The following UGGT1 variants were observed in gnomAD, a reference collection of about 807,000 sequenced individuals.
The protein encoded by UGGT1 is UDP-glucose glycoprotein glucosyltransferase 1, also known as UDP-glucose:glycoprotein glucosyltransferase 1.
In UGGT1, 107 loss-of-function variants were observed where a neutral mutation model predicts 203.9. The ratio of observed to expected loss-of-function variants is 0.52; its 90% CI spans 0.45 to 0.62. The LOEUF is 0.62. UGGT1 is among the 20% of genes least tolerant of loss of function. The pLI is 0.00. For missense variants in UGGT1, 1,673 were observed against 1,867.2 expected (o/e 0.90, Z 1.92); for synonymous variants, 628 against 653.5 (o/e 0.96, Z 0.59).
intron 26 of UGGT1, among the ~76,000 whole-genome samples, chr2:128,165,755 T>C (rs987961770): frequency 1.3e-5 from 2 of 152,048 alleles, no homozygotes; most frequent in African/African-American, 2.4e-5. Context: ...ATTCATCTTT[T>C]ATTGAAAACT....
chr2:128,093,094 A>G (rs189025483), intron 1 of UGGT1, among the ~76,000 whole-genome samples: 2 of 152,300 alleles, frequency 1.3e-5, no homozygotes, highest in Admixed American at 1.3e-4. Flanking sequence ...TTACCTGTAG[A>G]GTTAAGAATG....
chr2:128,138,012 G>A (rs1369337894), intron 15 of UGGT1, among the ~76,000 whole-genome samples: 2 of 151,744 alleles, frequency 1.3e-5, no homozygotes, highest in African/African-American at 4.8e-5. Context: ...TTCTCATACT[G>A]CATGTGCTAA....
At chr2:128,136,686 A>G (rs2105438009) in intron 15 of UGGT1, among the ~76,000 whole-genome samples, 1 of 152,324 alleles carries the variant, frequency 6.6e-6, no homozygotes, top group Non-Finnish European at 1.5e-5. Flanking sequence ...GGGTGCAGGT[A>G]TTTGTGTGGA....
In UGGT1 at chr2:128,153,013, T is replaced by C. The variant is rs1309117742; in HGVS notation, c.2137+109T>C. On this transcript the variant is annotated intron_variant, in intron 19 of 40. Transcript: ENST00000259253. ...ATTATCTTCTGCAGTGTTCAGAAGA[T>C]AGCCCAAGATTGTGACAAAATTTTA... The C allele has an allele frequency of 7.4e-6, 11 of 1,494,090 alleles. No individual in the cohort carries two copies. The East Asian group carries it at 2.6e-4, about 36-fold the overall frequency. 92.6% of individuals were successfully genotyped at this position (1,494,090 alleles called of 1,614,324 possible).
At chr2:128,125,855 T>C (rs1688573005) in intron 11 of UGGT1, among the ~76,000 whole-genome samples, 1 of 151,958 alleles carries the variant, frequency 6.6e-6, no homozygotes, top group South Asian at 2.1e-4. Context: ...TTTTCCCCAC[T>C]AAGGAAGACA....
chr2:128,107,939 T>C lies in UGGT1; in HGVS notation c.279T>C (p.Gly93=). The C allele has an allele frequency of 6.2e-7, 1 of 1,614,160 alleles. No homozygotes were observed. The highest frequency in any genetic ancestry group is 1.1e-5 in the South Asian group (1 of 91,082). The part of the protein sequence containing the change: ...SQNIGSSDHD[G]TDYSYYHAIL... ...TTGGTTAATGTTCTTCCTTGACAGG[T>C]ACCGATTATTCCTACTATCATGCAA... The change falls in exon 4 of 41, where the codon GGT becomes GGC. Residue 93 remains glycine (G), a splice_region_variant and synonymous_variant. Transcript: ENST00000259253.
At chr2:128,093,109 G>C (rs139115626) in intron 1 of UGGT1, among the ~76,000 whole-genome samples, 4 of 152,296 alleles carry the variant, frequency 2.6e-5, no homozygotes, top group African/African-American at 9.6e-5. Context: ...AGAATGTGGG[G>C]TCAGAGTGGC....
intron 9 of UGGT1, among the ~76,000 whole-genome samples, chr2:128,120,711 G>A (rs1017182241): frequency 2.0e-5 from 3 of 152,104 alleles, no homozygotes; most frequent in East Asian, 3.8e-4. Context: ...CTTGTAATAC[G>A]AGAAGCAGGT....
Position 128,091,378 on chromosome 2 carries a change from G to A in UGGT1, c.21G>A (p.Ala7=). 7.0e-6 allele frequency: 11 copies of A among 1,574,534 alleles called. No individual in the cohort carries two copies. The highest frequency in any genetic ancestry group is 9.5e-6 in the Non-Finnish European group (11 of 1,160,202). ...CGGGCATGGGCTGCAAGGGAGACGC[G>A]AGCGGTGCGTGTGCCGCGGGTGCGC... MGCKGD[A]SGACAAGALP... is the part of the protein sequence containing the mutation. The change falls in exon 1 of 41, where the codon GCG becomes GCA. Residue 7 remains alanine, a synonymous_variant. Coordinates refer to ENST00000259253, the MANE Select transcript of UGGT1 (RefSeq NM_020120.4).
intron 18 of UGGT1, among the ~76,000 whole-genome samples, chr2:128,149,641 C>T (rs1221734340): frequency 4.6e-5 from 7 of 151,598 alleles, no homozygotes; most frequent in Non-Finnish European, 7.4e-5. Context: ...GACATGGTGG[C>T]GGGCGCCTGT....
In UGGT1 at chr2:128,098,985, G is replaced by A. The variant is rs1163505983; in HGVS notation, c.194+1421G>A. On this transcript the variant is annotated intron_variant, in intron 2 of 40. Transcript: ENST00000259253. The stretch of plus-strand genomic sequence containing the variant: ...TTGATTGTATCTCAAGTGATGTAGA[G>A]GTGGAACTAGCAGAGACTTTCCAAA... Among the ~76,000 whole-genome samples the A allele has an allele frequency of 3.3e-5, 5 of 152,122 alleles. 1 individual carries two copies. Among genetic ancestry groups the A allele is most frequent in the Admixed American group, 3.3e-4 (5 of 15,272 alleles).
At chr2:128,140,226 CT>C in intron 16 of UGGT1, 1 of 162,166 alleles carries the variant, frequency 6.2e-6, no homozygotes, top group Non-Finnish European at 1.4e-5. Flanking sequence ...GAGTGCCATC[CT>C]TTTCAGTCTA....
In UGGT1 at chr2:128,100,018, A is replaced by ACCCCCC. The variant is rs373235190; in HGVS notation, c.194+2460_194+2465dup. Among the ~76,000 whole-genome samples, 23 of 34,914 alleles carry ACCCCCC rather than the reference A, an allele frequency of 6.6e-4. 3 individuals carry two copies. Among genetic ancestry groups the ACCCCCC allele is most frequent in the South Asian group, 4.1e-3 (2 of 484 alleles). 22.9% of individuals were successfully genotyped at this position (34,914 alleles called of 152,430 possible). A position where few individuals can be genotyped will look rare whatever the true frequency, so the allele number is the denominator to read the frequency against. ...ATAAAATCTGTCATTGAGATTTACA[A>ACCCCCC]CCCCCCCCCCCACCCTACTTATTTT... On this transcript the variant is annotated intron_variant, in intron 2 of 40. Transcript: ENST00000259253.
intron 20 of UGGT1, 36 bp downstream of exon 20, chr2:128,155,623 A>AT (rs747410785): frequency 5.2e-6 from 8 of 1,531,482 alleles, no homozygotes; most frequent in South Asian, 1.2e-5. Flanking sequence ...TGCATTCAAC[A>AT]TTTTTTTGAA....
chr2:128,139,456 CAT>C (rs1487883580), intron 16 of UGGT1, among the ~76,000 whole-genome samples: 29 of 152,150 alleles, frequency 1.9e-4, no homozygotes, highest in South Asian at 1.5e-3. Flanking sequence ...TATAAGTACA[CAT>C]GTTTGATCGA....
At chr2:128,137,302 C>T (rs991231876) in intron 15 of UGGT1, among the ~76,000 whole-genome samples, 4 of 152,184 alleles carry the variant, frequency 2.6e-5, no homozygotes, top group African/African-American at 9.7e-5. Context: ...ACCTGTAGTC[C>T]CAGCTACTTG....
intron 25 of UGGT1, 26 bp downstream of exon 25, chr2:128,161,294 C>G: frequency 1.2e-6 from 2 of 1,609,984 alleles, no homozygotes; most frequent in African/African-American, 2.7e-5. Flanking sequence ...GGAGGAATTA[C>G]AGGGGTTATA....
intron 36 of UGGT1, among the ~76,000 whole-genome samples, chr2:128,181,290 CATA>C (rs1314422246): frequency 6.6e-6 from 1 of 152,178 alleles, no homozygotes; most frequent in African/African-American, 2.4e-5. Context: ...ATTGTGATGA[CATA>C]ATGTGTGCAG....
intron 26 of UGGT1, among the ~76,000 whole-genome samples, chr2:128,168,241 C>T (rs538490567): frequency 6.6e-6 from 1 of 152,284 alleles, no homozygotes; most frequent in South Asian, 2.1e-4. Flanking sequence ...TGCCACTGCT[C>T]TGGAGTCACA....
Sources: allele counts gnomAD v4.1 joint callset (sites outside exome capture counted in the v4.1 genomes callset), GRCh38; gene constraint gnomAD v4.1.1; transcripts MANE v1.5; gene names NCBI Gene and HGNC (gene_info 2026-07-23, HGNC 2026-07-21).